Variants in HELZ observed in about 807,000 individuals in gnomAD.
The protein encoded by HELZ is ATP-dependent RNA helicase with zinc finger domain.
A neutral mutation model predicts 218.2 loss-of-function variants in HELZ; 23 were observed. The observed-to-expected ratio is 0.11, with a 90% CI of 0.08 to 0.15. The LOEUF is 0.15. Ranked by LOEUF, HELZ falls within the 10% of genes least tolerant of loss-of-function variation. The pLI, the probability that HELZ is intolerant of heterozygous loss-of-function variation, is 1.00. For synonymous variants in HELZ, 814 were observed against 829.4 expected (o/e 0.98, Z 0.32); for missense variants, 1,813 against 2,353.7 (o/e 0.77, Z 4.75).
intron 5 of HELZ, among the ~76,000 whole-genome samples, 167 bp from the exon 6 acceptor site, chr17:67,203,610 T>C (rs533519492): frequency 1.3e-5 from 2 of 152,302 alleles, no homozygotes; most frequent in South Asian, 4.1e-4. Flanking sequence ...AAAACAGGCA[T>C]ATAAGAACAA....
chr17:67,086,631 A>AATATATATATATATATATAT lies in HELZ; in HGVS notation c.5494+178_5494+197dup, dbSNP rs71139116. Among the ~76,000 whole-genome samples the AATATATATATATATATATAT allele has an allele frequency of 1.2e-3, 115 of 93,230 alleles. 2 individuals carry two copies. The highest frequency in any genetic ancestry group is 6.5e-3 in the Middle Eastern group (1 of 154). The allele number at this position is 93,230 out of a possible 152,430, so 61.2% of individuals were successfully genotyped here. A position where few individuals can be genotyped will look rare whatever the true frequency, so the allele number is the denominator to read the frequency against. ...ATATATATAAATAAATATAAATATAAATATATATATATATATATATATATA... is the reference window on the plus strand; with the variant it reads ...ATATATATAAATAAATATAAATATAAATATATATATATATATATATATATATATATATATATATATATATA... On this transcript the variant is annotated intron_variant, in intron 32 of 32. Transcript: ENST00000358691.
At chr17:67,208,276 A>C (rs150031466) in intron 5 of HELZ, among the ~76,000 whole-genome samples, 102 of 151,986 alleles carry the variant, frequency 6.7e-4, no homozygotes, top group African/African-American at 2.4e-3. Context: ...AAAATTGTAA[A>C]AGGTAGGAGG....
intron 27 of HELZ, among the ~76,000 whole-genome samples, chr17:67,114,901 T>C (rs1438113795): frequency 1.3e-5 from 2 of 152,176 alleles, no homozygotes; most frequent in Admixed American, 1.3e-4. Context: ...AAACCGTGTA[T>C]AAGTGGGTGA....
intron 5 of HELZ, among the ~76,000 whole-genome samples, chr17:67,205,154 C>G (rs766984820): frequency 2.0e-5 from 3 of 151,942 alleles, no homozygotes; most frequent in African/African-American, 2.4e-5. Flanking sequence ...TGGTGAAACC[C>G]CGTCTCTACT....
intron 5 of HELZ, among the ~76,000 whole-genome samples, chr17:67,209,352 C>A (rs553172505): frequency 6.6e-6 from 1 of 152,012 alleles, no homozygotes; most frequent in African/African-American, 2.4e-5. Flanking sequence ...AATCCCAACA[C>A]TTTGGGAGGC....
chr17:67,094,477 A>G (rs1337733186), intron 31 of HELZ, among the ~76,000 whole-genome samples: 1 of 152,132 alleles, frequency 6.6e-6, no homozygotes, highest in African/African-American at 2.4e-5. Context: ...CACCTTGGAG[A>G]TATTGCAGGT....
At position 67,109,799 on chromosome 17, in the gene HELZ, C is replaced by G; in HGVS notation, c.3919-113G>C. 4.1e-6 allele frequency: 3 copies of G among 726,642 alleles called. No homozygotes were observed. The East Asian group carries it at 8.2e-5, about 20-fold the overall frequency. 45.0% of individuals were successfully genotyped at this position (726,642 alleles called of 1,614,324 possible). A position where few individuals can be genotyped will look rare whatever the true frequency, so the allele number is the denominator to read the frequency against. On this transcript the variant is annotated intron_variant, in intron 28 of 32. Transcript: ENST00000358691. ...GATATGATACATTGATATCTTCCAGCAGGAGAGCTGAGTGCTCAATTATTT... is the reference window on the plus strand; with the variant it reads ...GATATGATACATTGATATCTTCCAGGAGGAGAGCTGAGTGCTCAATTATTT...
chr17:67,143,000 A>G (rs1405845735), intron 21 of HELZ, among the ~76,000 whole-genome samples: 1 of 152,094 alleles, frequency 6.6e-6, no homozygotes, highest in Non-Finnish European at 1.5e-5. Flanking sequence ...AGCTCAAGCA[A>G]TATATCGACC....
At chr17:67,157,778 T>C (rs1055421185) in intron 17 of HELZ, among the ~76,000 whole-genome samples, 1 of 152,168 alleles carries the variant, frequency 6.6e-6, no homozygotes, top group African/African-American at 2.4e-5. Flanking sequence ...TAAAAGACTA[T>C]GAATAAGAAT....
chr17:67,212,877 A>G (rs2040494669), intron 5 of HELZ, among the ~76,000 whole-genome samples: 1 of 152,202 alleles, frequency 6.6e-6, no homozygotes, highest in African/African-American at 2.4e-5. Flanking sequence ...GTCAAAGGGT[A>G]TGAATATATT....
intron 20 of HELZ, among the ~76,000 whole-genome samples, 163 bp from the exon 21 acceptor site, chr17:67,146,053 A>T (rs140712650): frequency 6.6e-6 from 1 of 152,336 alleles, no homozygotes; most frequent in Admixed American, 6.5e-5. Context: ...TTCTCCATAA[A>T]TAACAAGAGT....
Position 67,192,664 on chromosome 17 carries a change from C to T in HELZ, c.557+1303G>A, listed in dbSNP as rs894948056. On this transcript the variant is annotated intron_variant, in intron 9 of 32. Transcript: ENST00000358691. ...TACAACATAACACCACTAGGATTTT[C>T]AATACTTACACATTAGTTTCCTGAC... is the stretch of plus-strand genomic sequence containing the variant. Among the ~76,000 whole-genome samples, 23 of 152,110 alleles carry T rather than the reference C, an allele frequency of 1.5e-4. 1 individual carries two copies.
At chr17:67,202,238 A>G (rs2040187390) in intron 6 of HELZ, among the ~76,000 whole-genome samples, 1 of 152,188 alleles carries the variant, frequency 6.6e-6, no homozygotes, top group Non-Finnish European at 1.5e-5. Flanking sequence ...TTTAAAAAAA[A>G]AAAGGTTATA....
At chr17:67,131,944 G>A (rs1309112923) in intron 23 of HELZ, among the ~76,000 whole-genome samples, 1 of 151,988 alleles carries the variant, frequency 6.6e-6, no homozygotes, top group Non-Finnish European at 1.5e-5. Context: ...ACAATAGAAT[G>A]AGGACAAGAA....
intron 31 of HELZ, among the ~76,000 whole-genome samples, chr17:67,090,204 G>A (rs1031194022): frequency 6.6e-6 from 1 of 152,122 alleles, no homozygotes; most frequent in Admixed American, 6.5e-5. Context: ...TTAGAATGGT[G>A]TATTACATTA....
intron 12 of HELZ, among the ~76,000 whole-genome samples, chr17:67,180,860 AGAGT>A (rs1222586165): frequency 7.1e-6 from 1 of 140,512 alleles, no homozygotes. Context: ...CCTGGGCGAC[AGAGT>A]GAGACTCCAT....
chr17:67,171,731 G>T (rs1456633005), intron 13 of HELZ, among the ~76,000 whole-genome samples: 1 of 152,002 alleles, frequency 6.6e-6, no homozygotes, highest in Non-Finnish European at 1.5e-5. Flanking sequence ...ACCCTCCATT[G>T]CAACTATAAT....
chr17:67,122,997 C>T lies in HELZ; in HGVS notation c.3603G>A (p.Gly1201=), dbSNP rs369623629. The change falls in exon 26 of 33, where the codon GGG becomes GGA. Residue 1201 remains glycine, a synonymous_variant. Transcript: ENST00000358691. The part of the protein sequence containing the change: ...SILYVPAVYG[G]NVVMSVPLPV... ...GTAAAGGCACCGACATAACTACATT[C>T]CCTCCATAGACAGCAGGTACATAAA... 6 of 1,612,176 alleles carry T rather than the reference C, an allele frequency of 3.7e-6. No individual in the cohort carries two copies. The African/African-American group carries it at 4.0e-5, about 11-fold the overall frequency.
At chr17:67,081,438 G>C (rs1448238696) in intron 32 of HELZ, among the ~76,000 whole-genome samples, 3 of 152,134 alleles carry the variant, frequency 2.0e-5, no homozygotes, top group Non-Finnish European at 4.4e-5. Flanking sequence ...ACAACAGAGA[G>C]GTGAGTTAGT....
Sources: gnomAD v4.1 joint callset for allele counts (sites outside exome capture counted in the v4.1 genomes callset) on GRCh38, gnomAD v4.1.1 for gene constraint, MANE v1.5 for transcripts, NCBI Gene and HGNC (gene_info 2026-07-23, HGNC 2026-07-21) for gene names.